The following PCSK2 variants were observed in gnomAD, a reference collection of about 807,000 sequenced individuals.
PCSK2 encodes proprotein convertase subtilisin/kexin type 2.
Under a neutral mutation model 69.7 loss-of-function variants are expected in PCSK2, and 14 were observed. The observed-to-expected ratio is 0.20, with a 90% confidence interval of 0.13 to 0.31. The LOEUF (loss-of-function observed/expected upper bound fraction) is 0.31. Ranked by LOEUF, PCSK2 falls within the 10% of genes least tolerant of loss-of-function variation. PCSK2 has a pLI of 1.00. For missense variants in PCSK2, 544 were observed against 842.5 expected, an observed-to-expected ratio of 0.65 and a Z score of 4.39; for synonymous variants, 307 against 320.7, an observed-to-expected ratio of 0.96 and a Z score of 0.46.
chr20:17,348,050 G>GGAAA (rs200387593), intron 2 of PCSK2, among the ~76,000 whole-genome samples: 6,093 of 86,160 alleles, frequency 0.071, 252 homozygotes, highest in African/African-American at 0.09. Context: ...AAGAAAGAAA[G>GGAAA]GAAAGAAAGA....
chr20:17,243,106 C>A (rs1281788500), intron 1 of PCSK2, among the ~76,000 whole-genome samples: 1 of 152,102 alleles, frequency 6.6e-6, no homozygotes, highest in Non-Finnish European at 1.5e-5. Context: ...CAGCCATGCC[C>A]GTCCTGAAAA....
chr20:17,295,022 A>G (rs1988839623), intron 2 of PCSK2, among the ~76,000 whole-genome samples: 1 of 152,186 alleles, frequency 6.6e-6, no homozygotes, highest in South Asian at 2.1e-4. Flanking sequence ...TTATTGCTAA[A>G]TTAAATCTGG....
intron 2 of PCSK2, among the ~76,000 whole-genome samples, chr20:17,296,325 T>C (rs1442773517): frequency 6.6e-6 from 1 of 152,208 alleles, no homozygotes; most frequent in Non-Finnish European, 1.5e-5. Context: ...ATTGAGTTAA[T>C]TAGCTACATA....
chr20:17,229,556 T>C (rs531026977), intron 1 of PCSK2, among the ~76,000 whole-genome samples: 2 of 151,894 alleles, frequency 1.3e-5, no homozygotes, highest in African/African-American at 4.8e-5. Flanking sequence ...ACTAGGCCTC[T>C]TTGTCCTTCA....
In PCSK2 at chr20:17,409,246, T is replaced by C. The variant is rs779327875; in HGVS notation, c.544-17T>C. 11 of 1,608,464 alleles carry C rather than the reference T, an allele frequency of 6.8e-6. No individual in the cohort carries two copies. In the East Asian group the frequency reaches 1.6e-4, roughly 23 times the overall value. Reference sequence around the variant, plus strand: ...CTCTGGCTGTACGGACCTAATGAGATGCCTTGTGTTTTTCAGAATGCCGAA... The same window carrying C: ...CTCTGGCTGTACGGACCTAATGAGACGCCTTGTGTTTTTCAGAATGCCGAA... On this transcript the variant is annotated splice_polypyrimidine_tract_variant and intron_variant, in intron 5 of 11. Transcript: ENST00000262545.
chr20:17,239,057 C>T (rs1316512343), intron 1 of PCSK2, among the ~76,000 whole-genome samples: 6 of 152,140 alleles, frequency 3.9e-5, no homozygotes, highest in Non-Finnish European at 5.9e-5. Flanking sequence ...ATAGGAACAT[C>T]CTATTTAGTG....
At chr20:17,426,774 A>G (rs1325338292) in intron 6 of PCSK2, among the ~76,000 whole-genome samples, 3 of 152,214 alleles carry the variant, frequency 2.0e-5, no homozygotes, top group Admixed American at 1.3e-4. Flanking sequence ...TCTTTTGTCT[A>G]TTTAAACCTT....
intron 2 of PCSK2, among the ~76,000 whole-genome samples, chr20:17,313,913 C>T (rs954118460): frequency 6.6e-6 from 1 of 152,134 alleles, no homozygotes; most frequent in Non-Finnish European, 1.5e-5. Context: ...AAATGAATAG[C>T]TCATATGCAC....
intron 2 of PCSK2, among the ~76,000 whole-genome samples, chr20:17,271,836 T>G (rs1987880357): frequency 6.6e-6 from 1 of 152,018 alleles, no homozygotes; most frequent in African/African-American, 2.4e-5. Flanking sequence ...CTAAAGAAAA[T>G]ACATCATCAG....
intron 2 of PCSK2, among the ~76,000 whole-genome samples, chr20:17,306,430 A>C (rs1380262010): frequency 6.6e-6 from 1 of 152,190 alleles, no homozygotes; most frequent in East Asian, 1.9e-4. Flanking sequence ...TCTCAAACAG[A>C]AGATGGTCCC....
At position 17,257,386 on chromosome 20, in the gene PCSK2, C is replaced by G. The variant is rs530203634; in HGVS notation, c.178-2854C>G. ...GTGGCAATTCCTCAAGGATCTAGAACCAGAAATACCATTTGACCCAGCAAT... is the reference window on the plus strand; with the variant it reads ...GTGGCAATTCCTCAAGGATCTAGAAGCAGAAATACCATTTGACCCAGCAAT... On this transcript the variant is annotated intron_variant, in intron 1 of 11. Coordinates refer to ENST00000262545, the MANE Select transcript of PCSK2 (RefSeq NM_002594.5). Among the ~76,000 whole-genome samples the G allele has an allele frequency of 1.3e-3, 192 of 152,228 alleles. 1 individual carries two copies. Among genetic ancestry groups the G allele is most frequent in the African/African-American group, 4.5e-3 (187 of 41,554 alleles).
intron 11 of PCSK2, among the ~76,000 whole-genome samples, chr20:17,465,898 G>T (rs1214621202): frequency 2.0e-5 from 3 of 152,026 alleles, no homozygotes; most frequent in African/African-American, 7.3e-5. Flanking sequence ...CAAACTCCTG[G>T]GTTCAAGTGA....
chr20:17,273,020 T>G (rs1196875770), intron 2 of PCSK2, among the ~76,000 whole-genome samples: 3 of 152,168 alleles, frequency 2.0e-5, no homozygotes, highest in African/African-American at 7.2e-5. Flanking sequence ...CACCTGCTAC[T>G]GATGGATGTT....
chr20:17,230,612 A>C (rs1357908713), intron 1 of PCSK2, among the ~76,000 whole-genome samples: 5 of 152,126 alleles, frequency 3.3e-5, no homozygotes, highest in African/African-American at 1.2e-4. Flanking sequence ...TATTATATTT[A>C]TCATTTATTT....
intron 6 of PCSK2, among the ~76,000 whole-genome samples, chr20:17,414,867 A>C (rs1350838036): frequency 1.3e-5 from 2 of 152,256 alleles, no homozygotes; most frequent in Non-Finnish European, 2.9e-5. Context: ...CCTGGAATGC[A>C]AGGCTGGTTC....
intron 2 of PCSK2, among the ~76,000 whole-genome samples, chr20:17,318,164 T>G (rs1450811324): frequency 6.6e-6 from 1 of 152,218 alleles, no homozygotes; most frequent in Non-Finnish European, 1.5e-5. Context: ...ATTTGGAACA[T>G]AGTTCTGAAT....
At chr20:17,294,505 C>A (rs1332569664) in intron 2 of PCSK2, among the ~76,000 whole-genome samples, 2 of 152,282 alleles carry the variant, frequency 1.3e-5, no homozygotes, top group East Asian at 1.9e-4. Flanking sequence ...TACTTTATTT[C>A]TCCTGCCCTC....
At position 17,460,606 on chromosome 20, in the gene PCSK2, A is replaced by G. The variant is rs377214790; in HGVS notation, c.1202+4158A>G. On this transcript the variant is annotated intron_variant, in intron 10 of 11. Coordinates refer to ENST00000262545, the MANE Select transcript of PCSK2 (RefSeq NM_002594.5). Reference sequence around the variant, plus strand: ...CAAAAGGTAGCAAGTTAGATCATCAATAAGGTTCCAATGACTTCCTGGAAT... The same window carrying G: ...CAAAAGGTAGCAAGTTAGATCATCAGTAAGGTTCCAATGACTTCCTGGAAT... Among the ~76,000 whole-genome samples, 4 of 152,368 alleles carry G rather than the reference A, an allele frequency of 2.6e-5. No individual in the cohort carries two copies. In the South Asian group the frequency reaches 8.3e-4, roughly 32 times the overall value.
At chr20:17,291,872 A>G (rs1452966042) in intron 2 of PCSK2, among the ~76,000 whole-genome samples, 1 of 152,216 alleles carries the variant, frequency 6.6e-6, no homozygotes, top group Non-Finnish European at 1.5e-5. Flanking sequence ...TTCTGAACAT[A>G]TAACTTCCAA....
Sources: gnomAD v4.1 joint callset for allele counts (sites outside exome capture counted in the v4.1 genomes callset) on GRCh38, gnomAD v4.1.1 for gene constraint, MANE v1.5 for transcripts, NCBI Gene and HGNC (gene_info 2026-07-23, HGNC 2026-07-21) for gene names.